FGGY: variants seen among roughly 807,000 people sequenced by gnomAD.
The protein encoded by FGGY is FGGY carbohydrate kinase domain containing, also known as FGGY carbohydrate kinase domain-containing protein.
A neutral mutation model predicts 71.3 loss-of-function variants in FGGY; 72 were observed. That is an observed-to-expected ratio of 1.01 (90% CI 0.84 to 1.23). The LOEUF is 1.23. FGGY is among the 50% of genes most tolerant of loss of function. The pLI is 0.00. For missense variants in FGGY, 668 were observed against 682.3 expected (o/e 0.98, Z 0.23); for synonymous variants, 251 against 250.3 (o/e 1.00, Z -0.02).
chr1:59,429,715 C>T (rs1430017974), intron 5 of FGGY, among the ~76,000 whole-genome samples: 12 of 152,212 alleles, frequency 7.9e-5, no homozygotes, highest in Non-Finnish European at 1.6e-4. Context: ...CACACACAGA[C>T]ACACGACACA....
chr1:59,641,898 T>G (rs2097032580), intron 11 of FGGY, among the ~76,000 whole-genome samples: 2 of 152,326 alleles, frequency 1.3e-5, no homozygotes, highest in South Asian at 2.1e-4. Context: ...CTTTTAAACC[T>G]GAAAACAGCA....
At chr1:59,647,350 C>T (rs1185976156) in intron 11 of FGGY, among the ~76,000 whole-genome samples, 1 of 152,186 alleles carries the variant, frequency 6.6e-6, no homozygotes, top group African/African-American at 2.4e-5. Context: ...TTTGGGTAAA[C>T]AGCAAACAAA....
intron 14 of FGGY, among the ~76,000 whole-genome samples, chr1:59,726,724 A>G (rs1397903968): frequency 6.6e-6 from 1 of 152,046 alleles, no homozygotes; most frequent in Non-Finnish European, 1.5e-5. Flanking sequence ...GTAATTTGTA[A>G]CTTCTCTCTT....
At chr1:59,689,939 G>C (rs954072100) in intron 14 of FGGY, among the ~76,000 whole-genome samples, 5 of 152,162 alleles carry the variant, frequency 3.3e-5, no homozygotes, top group African/African-American at 1.2e-4. Flanking sequence ...GGATAGAGTT[G>C]ACGGCAGTGA....
intron 7 of FGGY, among the ~76,000 whole-genome samples, chr1:59,551,790 A>G (rs1202017223): frequency 6.6e-6 from 1 of 152,184 alleles, no homozygotes; most frequent in South Asian, 2.1e-4. Flanking sequence ...CAATGACATT[A>G]GTTTGTTGTA....
chr1:59,438,518 T>C (rs964178099), intron 5 of FGGY, among the ~76,000 whole-genome samples: 4 of 152,208 alleles, frequency 2.6e-5, no homozygotes, highest in African/African-American at 9.6e-5. Flanking sequence ...CGATACCTAT[T>C]GTGACAACTT....
chr1:59,581,538 AG>A (rs1571588238), intron 8 of FGGY, among the ~76,000 whole-genome samples: 1 of 142,168 alleles, frequency 7.0e-6, no homozygotes, highest in African/African-American at 2.9e-5. Context: ...TGAGCTTTGG[AG>A]GGCTGTGGCT....
At chr1:59,327,353 A>G (rs1317961684) in intron 2 of FGGY, among the ~76,000 whole-genome samples, 1 of 152,194 alleles carries the variant, frequency 6.6e-6, no homozygotes, top group African/African-American at 2.4e-5. Flanking sequence ...AGTAGATTCC[A>G]TCTCAAGAAA....
intron 1 of FGGY, 71 bp from the exon 2 acceptor site, chr1:59,321,465 T>G: frequency 3.7e-6 from 5 of 1,368,854 alleles, no homozygotes; most frequent in African/African-American, 1.4e-5. Flanking sequence ...ATTTCTACTT[T>G]TGAGATGTTT....
At position 59,684,725 on chromosome 1, in the gene FGGY, G is replaced by T. The variant is rs562641150; in HGVS notation, c.1512+10592G>T. Among the ~76,000 whole-genome samples, 171 of 152,288 alleles carry T rather than the reference G, an allele frequency of 1.1e-3. 1 individual carries two copies. The highest frequency in any genetic ancestry group is 1.4e-3 in the South Asian group (7 of 4,830). On this transcript the variant is annotated intron_variant, in intron 14 of 15. Coordinates refer to ENST00000303721, the MANE Select transcript of FGGY (RefSeq NM_018291.5). ...AAATCAAATGGAGCAGCAGAAAGTA[G>T]CCCTCTAAGTCACCTTGCTGAACCT...
intron 1 of FGGY, among the ~76,000 whole-genome samples, chr1:59,297,916 C>T (rs2042204208): frequency 6.6e-6 from 1 of 152,090 alleles, no homozygotes; most frequent in South Asian, 2.1e-4. Flanking sequence ...CAAATTTCTT[C>T]CCCGAAGAGT....
chr1:59,391,726 T>C (rs527547353), intron 5 of FGGY, among the ~76,000 whole-genome samples: 9 of 152,328 alleles, frequency 5.9e-5, no homozygotes, highest in African/African-American at 2.2e-4. Flanking sequence ...GGATTTTATG[T>C]GGCTGAAAGA....
chr1:59,723,010 G>T (rs1438554800), intron 14 of FGGY, among the ~76,000 whole-genome samples: 1 of 152,114 alleles, frequency 6.6e-6, no homozygotes, highest in African/African-American at 2.4e-5. Flanking sequence ...TGTTAGCCAG[G>T]ATGGTCTCAA....
At chr1:59,413,318 A>G (rs985841750) in intron 5 of FGGY, among the ~76,000 whole-genome samples, 1 of 152,214 alleles carries the variant, frequency 6.6e-6, no homozygotes. Context: ...TGTATTCCCA[A>G]CAAAGTGCTT....
At chr1:59,701,323 G>A (rs1254843738) in intron 14 of FGGY, among the ~76,000 whole-genome samples, 1 of 152,168 alleles carries the variant, frequency 6.6e-6, no homozygotes, top group Non-Finnish European at 1.5e-5. Flanking sequence ...CTTCACACAA[G>A]TTTGGTGACT....
intron 8 of FGGY, among the ~76,000 whole-genome samples, chr1:59,578,759 A>T (rs2096130221): frequency 6.6e-6 from 1 of 152,036 alleles, no homozygotes; most frequent in South Asian, 2.1e-4. Flanking sequence ...CCATAATGGT[A>T]CTACAGATCC....
intron 4 of FGGY, among the ~76,000 whole-genome samples, chr1:59,369,181 G>T (rs926263928): frequency 1.3e-5 from 2 of 152,152 alleles, no homozygotes; most frequent in African/African-American, 4.8e-5. Context: ...GTGACAGACG[G>T]CACCTGGAAA....
intron 6 of FGGY, among the ~76,000 whole-genome samples, chr1:59,488,193 T>C (rs1027198829): frequency 6.6e-6 from 1 of 152,162 alleles, no homozygotes; most frequent in African/African-American, 2.4e-5. Flanking sequence ...AAGCCTTCTA[T>C]TAAGGTTGGA....
intron 9 of FGGY, among the ~76,000 whole-genome samples, chr1:59,613,208 A>C (rs183461915): frequency 0.02 from 2,994 of 152,226 alleles, 94 homozygotes; most frequent in African/African-American, 0.068. Context: ...CTTCTCAGCA[A>C]CACACCACAC....
Sources: gnomAD v4.1 joint callset for allele counts (sites outside exome capture counted in the v4.1 genomes callset) on GRCh38, gnomAD v4.1.1 for gene constraint, MANE v1.5 for transcripts, NCBI Gene and HGNC (gene_info 2026-07-23, HGNC 2026-07-21) for gene names.